NRXN3: variants seen among roughly 807,000 people sequenced by gnomAD.
NRXN3 encodes neurexin 3, also known as neurexin III.
A neutral mutation model predicts 137.6 loss-of-function variants in NRXN3; 32 were observed. The observed-to-expected ratio is 0.23, with a 90% CI of 0.18 to 0.31. NRXN3 has a LOEUF of 0.31. Among genes scored for constraint, NRXN3 ranks in the 10% least tolerant of loss-of-function variants. NRXN3 has a pLI of 1.00. For missense variants in NRXN3, 1,574 were observed against 2,062.5 expected, an observed-to-expected ratio of 0.76 and a Z score of 4.59; for synonymous variants, 798 against 784.5, an observed-to-expected ratio of 1.02 and a Z score of -0.29.
chr14:79,631,439 G>A (rs528259998), intron 16 of NRXN3, among the ~76,000 whole-genome samples: 457 of 152,366 alleles, frequency 3.0e-3, no homozygotes, highest in Non-Finnish European at 5.5e-3. Context: ...CTCTGCTGGC[G>A]GGGAGGTGTG....
At chr14:78,762,295 C>T (rs1014722325) in intron 8 of NRXN3, among the ~76,000 whole-genome samples, 5 of 152,166 alleles carry the variant, frequency 3.3e-5, no homozygotes, top group African/African-American at 9.7e-5. Context: ...ACTATTCACT[C>T]ATTCTGTTCT....
intron 4 of NRXN3, among the ~76,000 whole-genome samples, chr14:78,362,803 A>C (rs973903682): frequency 1.3e-5 from 2 of 152,188 alleles, no homozygotes; most frequent in Admixed American, 6.5e-5. Flanking sequence ...TAAAATGATG[A>C]AAAGATGCTA....
At chr14:78,997,892 C>T (rs903858335) in intron 15 of NRXN3, among the ~76,000 whole-genome samples, 1 of 152,148 alleles carries the variant, frequency 6.6e-6, no homozygotes, top group African/African-American at 2.4e-5. Context: ...TGGAATCATA[C>T]AATATGTGAT....
chr14:78,327,110 G>A (rs1357851375), intron 4 of NRXN3, among the ~76,000 whole-genome samples: 1 of 152,134 alleles, frequency 6.6e-6, no homozygotes, highest in Non-Finnish European at 1.5e-5. Flanking sequence ...TGCATTCAAA[G>A]TGCTCAGTGC....
intron 8 of NRXN3, among the ~76,000 whole-genome samples, chr14:78,736,293 A>G (rs183288511): frequency 5.8e-4 from 89 of 152,344 alleles, no homozygotes; most frequent in African/African-American, 6.5e-4. Context: ...TGTGATGGAT[A>G]GACTGTAGGT....
At chr14:79,775,552 C>T (rs985938044) in intron 19 of NRXN3, among the ~76,000 whole-genome samples, 4 of 111,972 alleles carry the variant, frequency 3.6e-5, no homozygotes, top group East Asian at 2.4e-4. Flanking sequence ...GGGCTCTAAC[C>T]GAAAAAAAAA....
intron 10 of NRXN3, among the ~76,000 whole-genome samples, chr14:78,900,162 C>T (rs1332094113): frequency 1.3e-5 from 2 of 151,972 alleles, no homozygotes; most frequent in Admixed American, 6.6e-5. Context: ...AATGTTCTGA[C>T]ACCATTTTTT....
chr14:78,888,651 C>T (rs889712648), intron 10 of NRXN3, among the ~76,000 whole-genome samples: 1 of 151,954 alleles, frequency 6.6e-6, no homozygotes, highest in Non-Finnish European at 1.5e-5. Flanking sequence ...TTTATTGGAA[C>T]CCACAAAGTT....
At chr14:79,338,691 T>C (rs1351600629) in intron 15 of NRXN3, among the ~76,000 whole-genome samples, 1 of 152,212 alleles carries the variant, frequency 6.6e-6, no homozygotes, top group Admixed American at 6.5e-5. Flanking sequence ...ATTTATCACA[T>C]ATTATTAGAA....
At chr14:79,021,271 G>A (rs1408010943) in intron 15 of NRXN3, among the ~76,000 whole-genome samples, 4 of 152,102 alleles carry the variant, frequency 2.6e-5, no homozygotes, top group African/African-American at 7.2e-5. Flanking sequence ...TTGCAGGTGC[G>A]GGTCTGGGAC....
chr14:79,532,775 G>T (rs930227917), intron 16 of NRXN3, among the ~76,000 whole-genome samples: 38 of 152,148 alleles, frequency 2.5e-4, no homozygotes, highest in Non-Finnish European at 2.8e-4. Flanking sequence ...ACATAAAACT[G>T]AGAAGGAACT....
intron 15 of NRXN3, among the ~76,000 whole-genome samples, chr14:79,169,420 C>G (rs2061572720): frequency 6.6e-6 from 1 of 152,098 alleles, no homozygotes; most frequent in African/African-American, 2.4e-5. Flanking sequence ...CCTTTGATGT[C>G]TATATATCTT....
At chr14:78,431,367 C>T (rs529774565) in intron 4 of NRXN3, among the ~76,000 whole-genome samples, 3 of 152,272 alleles carry the variant, frequency 2.0e-5, no homozygotes, top group South Asian at 2.1e-4. Flanking sequence ...AGAGTATCCT[C>T]GAACACCCGT....
chr14:79,207,459 G>A (rs980776281), intron 15 of NRXN3, among the ~76,000 whole-genome samples: 1 of 152,184 alleles, frequency 6.6e-6, no homozygotes, highest in African/African-American at 2.4e-5. Context: ...GGAAAATGAG[G>A]CTGTCCCTTC....
At chr14:79,442,754 T>C (rs1398566515) in intron 15 of NRXN3, among the ~76,000 whole-genome samples, 1 of 152,230 alleles carries the variant, frequency 6.6e-6, no homozygotes, top group Non-Finnish European at 1.5e-5. Flanking sequence ...TTATTTTTCT[T>C]CATTTAGTTA....
intron 10 of NRXN3, 24 bp downstream of exon 10, chr14:78,810,368 T>G (rs1274587677): frequency 7.4e-7 from 1 of 1,351,146 alleles, no homozygotes; most frequent in Non-Finnish European, 1.0e-6. Context: ...CAAGTTTCAT[T>G]TTGTTCTTTA....
intron 16 of NRXN3, among the ~76,000 whole-genome samples, chr14:79,530,488 G>A (rs2097159762): frequency 6.6e-6 from 1 of 152,052 alleles, no homozygotes; most frequent in Non-Finnish European, 1.5e-5. Context: ...CAAAGATGGA[G>A]AAGGAAATGT....
rs144919058 is a variant in NRXN3, at chr14:79,038,807, C to G, written c.3262+50666C>G. ...GCCGACTGGTTAACAGAAGTACAGG[C>G]GAGCAGGAATCCCTCGCTACCTGGC... On this transcript the variant is annotated intron_variant, in intron 15 of 20. Transcript: ENST00000335750. Among the ~76,000 whole-genome samples the G allele has an allele frequency of 2.2e-3, 338 of 152,184 alleles. 1 individual carries two copies. Among genetic ancestry groups the G allele is most frequent in the Middle Eastern group, 0.01 (3 of 294 alleles).
intron 19 of NRXN3, among the ~76,000 whole-genome samples, chr14:79,786,474 C>G (rs914361710): frequency 6.6e-6 from 1 of 152,182 alleles, no homozygotes; most frequent in African/African-American, 2.4e-5. Context: ...GCATTTATTG[C>G]TTTTGCCTAT....
Sources: allele counts gnomAD v4.1 joint callset (sites outside exome capture counted in the v4.1 genomes callset), GRCh38; gene constraint gnomAD v4.1.1; transcripts MANE v1.5; gene names NCBI Gene and HGNC (gene_info 2026-07-23, HGNC 2026-07-21).